OXA1L: variants seen among roughly 807,000 people sequenced by gnomAD.
OXA1L encodes OXA1L mitochondrial inner membrane insertase, also known as mitochondrial inner membrane protein OXA1L.
In OXA1L, 42 loss-of-function variants were observed where a neutral mutation model predicts 52.2. The ratio of observed to expected loss-of-function variants is 0.80; its 90% confidence interval spans 0.63 to 1.04. The LOEUF is 1.04. Ranked by LOEUF, OXA1L falls within the 50% of genes least tolerant of loss-of-function variation. The probability of loss-of-function intolerance (pLI) is 0.00; values close to 1 mark genes in which losing one functional copy is unlikely to be tolerated. For missense variants in OXA1L, 572 were observed against 555.0 expected (o/e 1.03, Z -0.31); for synonymous variants, 239 against 201.9 (o/e 1.18, Z -1.56).
rs779745389 is a variant in OXA1L, at chr14:22,767,308, T to G, written c.124T>G (p.Phe42Val). 1.1e-5 allele frequency: 18 copies of G among 1,613,364 alleles called. No homozygotes were observed. The Admixed American group carries it at 3.0e-4, about 27-fold the overall frequency. Residue 42 changes from phenylalanine (F) to valine (V), a missense_variant, in exon 2 of 10, where the codon TTC becomes GTC. Transcript: ENST00000612549. ...LGKPLTTRLL[F>V]PAAPCCCRPH... ...GAAACCGCTGACCACACGGCTCCTATTCCCAGCAGCCCCGTGCTGCTGTCG... is the reference window on the plus strand; with the variant it reads ...GAAACCGCTGACCACACGGCTCCTAGTCCCAGCAGCCCCGTGCTGCTGTCG...
In OXA1L at chr14:22,767,273, A is replaced by T. The variant is rs1314812421; in HGVS notation, c.89A>T (p.Gln30Leu). ...RRVHSVAGPS[Q>L]WLGKPLTTRL... ...GTCCACAGCGTCGCAGGGCCCTCGC[A>T]ATGGCTTGGGAAACCGCTGACCACA... is the stretch of plus-strand genomic sequence containing the variant. Residue 30 changes from glutamine (Q) to leucine (L), a missense_variant, in exon 2 of 10, where the codon CAA (glutamine) becomes CTA (leucine). Transcript: ENST00000612549. 6.2e-7 allele frequency: 1 copy of T among 1,611,788 alleles called. No homozygotes were observed. Among genetic ancestry groups the T allele is most frequent in the African/African-American group, 1.3e-5 (1 of 74,800 alleles).
Position 22,770,390 on chromosome 14 carries a change from C to T in OXA1L, c.670-71C>T, listed in dbSNP as rs137971917. 1.4e-4 allele frequency: 222 copies of T among 1,576,102 alleles called. 1 individual carries two copies. The East Asian group carries it at 4.8e-3, about 34-fold the overall frequency. ...ACAGGTGGTGGTGGATTATACATGG[C>T]TTTCAGTAGTGGGGTGATGAAAATG... On this transcript the variant is annotated intron_variant, in intron 5 of 9. Transcript: ENST00000612549.
Position 22,771,037 on chromosome 14 carries a change from T to C in OXA1L, c.959T>C (p.Leu320Pro). The stretch of plus-strand genomic sequence containing the variant: ...ACCCAGGCAGTGTTTATGTACTGGC[T>C]CTCCTCCAATTTGTTTTCCCTGGTC... ...HFPTAVFMYW[L>P]SSNLFSLVQV... Residue 320 changes from leucine to proline, a missense_variant, in exon 8 of 10, where the codon CTC becomes CCC. Around this residue, in one of 5 missense-constraint regions of OXA1L, gnomAD observed 244 missense variants for 240.2 expected, o/e 1.02. Coordinates refer to ENST00000612549, the MANE Select transcript of OXA1L (RefSeq NM_005015.5). The C allele has an allele frequency of 1.2e-6, 2 of 1,614,210 alleles. No homozygotes were observed. Among genetic ancestry groups the C allele is most frequent in the Non-Finnish European group, 1.7e-6 (2 of 1,180,024 alleles).
rs61756143 is a variant in OXA1L at position 22,767,302 on chromosome 14, C to T, written c.118C>T (p.Leu40Phe). 5.3e-5 allele frequency: 86 copies of T among 1,613,590 alleles called. No homozygotes were observed. In the South Asian group the frequency reaches 7.5e-4, roughly 14 times the overall value. ...QWLGKPLTTR[L>F]LFPAAPCCCR... ...GCTTGGGAAACCGCTGACCACACGG[C>T]TCCTATTCCCAGCAGCCCCGTGCTG... The change falls in exon 2 of 10, where the codon CTC (leucine) becomes TTC (phenylalanine). Residue 40 changes from leucine (L) to phenylalanine (F), a missense_variant. Transcript: ENST00000612549.
chr14:22,771,784 A>C lies in OXA1L; in HGVS notation c.*226A>C. ...CAGAGTTAGTAAACCTCTGTACTAC[A>C]TGCTGCTTCCTGATACTTATTGAAC... On this transcript the variant is annotated 3_prime_UTR_variant, in exon 10 of 10. Transcript: ENST00000612549. The C allele has an allele frequency of 1.9e-6, 1 of 533,472 alleles. No homozygotes were observed. Among genetic ancestry groups the C allele is most frequent in the Non-Finnish European group, 3.3e-6 (1 of 298,528 alleles). 33.0% of individuals were successfully genotyped at this position (533,472 alleles called of 1,614,324 possible).
At position 22,769,665 on chromosome 14, in the gene OXA1L, C is replaced by G. The variant is rs903977646; in HGVS notation, c.440-126C>G. On this transcript the variant is annotated intron_variant, in intron 3 of 9. Coordinates refer to ENST00000612549, the MANE Select transcript of OXA1L (RefSeq NM_005015.5). ...TTCCCCTGACCTTATTTCTGGGCCT[C>G]TTAGGCATGAGTCATAGAATGGACA... The G allele has an allele frequency of 1.0e-5, 10 of 982,358 alleles. No homozygotes were observed. The Admixed American group carries it at 2.2e-4, about 22-fold the overall frequency. The allele number at this position is 982,358 out of a possible 1,614,324, so 60.9% of individuals were successfully genotyped here.
intron 4 of OXA1L, 39 bp downstream of exon 4, chr14:22,769,973 T>C (rs2038444140): frequency 2.5e-6 from 4 of 1,609,654 alleles, no homozygotes; most frequent in African/African-American, 2.7e-5. Flanking sequence ...GAAGTCCACA[T>C]TTGCACTTTT....
intron 3 of OXA1L, among the ~76,000 whole-genome samples, chr14:22,769,360 C>A (rs2038437768): frequency 6.6e-6 from 1 of 152,170 alleles, no homozygotes; most frequent in Non-Finnish European, 1.5e-5. Context: ...CAGTTCCATC[C>A]ACGTTGTCAC....
chr14:22,771,772 C>T lies in OXA1L; in HGVS notation c.*214C>T, dbSNP rs2038468441. ...TCTTCCCATTCACAGAGTTAGTAAA[C>T]CTCTGTACTACATGCTGCTTCCTGA... On this transcript the variant is annotated 3_prime_UTR_variant, in exon 10 of 10. Coordinates refer to ENST00000612549, the MANE Select transcript of OXA1L (RefSeq NM_005015.5). 1 of 576,932 alleles carries T rather than the reference C, an allele frequency of 1.7e-6. No individual in the cohort carries two copies. The highest frequency in any genetic ancestry group is 3.1e-6 in the Non-Finnish European group (1 of 323,576). The allele number at this position is 576,932 out of a possible 1,614,324, so 35.7% of individuals were successfully genotyped here. A position where few individuals can be genotyped will look rare whatever the true frequency, so the allele number is the denominator to read the frequency against.
At position 22,769,773 on chromosome 14, in the gene OXA1L, C is replaced by T. The variant is rs1420329137; in HGVS notation, c.440-18C>T. 1 of 1,613,858 alleles carries T rather than the reference C, an allele frequency of 6.2e-7. No homozygotes were observed. The highest frequency in any genetic ancestry group is 8.5e-7 in the Non-Finnish European group (1 of 1,179,878). Reference sequence around the variant, plus strand: ...GAACTGCTTTAATTTCACTCCAATCCTAGTTTGTATTTTCCAGGTACAGTC... The same window carrying T: ...GAACTGCTTTAATTTCACTCCAATCTTAGTTTGTATTTTCCAGGTACAGTC... On this transcript the variant is annotated intron_variant, in intron 3 of 9. Coordinates refer to ENST00000612549, the MANE Select transcript of OXA1L (RefSeq NM_005015.5).
In OXA1L at chr14:22,767,423, C is replaced by T. The variant is rs764366551; in HGVS notation, c.225+14C>T. ...GCAGAAGTCCAGGTAAGAGGCCTTT[C>T]GTTCCTGCAATATTAGGAGTGGTGT... On this transcript the variant is annotated intron_variant, in intron 2 of 9. Transcript: ENST00000612549. The T allele has an allele frequency of 2.0e-5, 31 of 1,584,116 alleles. No homozygotes were observed. In the South Asian group the frequency reaches 3.1e-4, roughly 16 times the overall value.
chr14:22,767,264 G>T lies in OXA1L; in HGVS notation c.80G>T (p.Gly27Val). Residue 27 changes from glycine to valine, a missense_variant, in exon 2 of 10, where the codon GGG becomes GTG. Transcript: ENST00000612549. ...CACGCTCAGGTCCACAGCGTCGCAG[G>T]GCCCTCGCAATGGCTTGGGAAACCG... ...QSGRRVHSVA[G>V]PSQWLGKPLT... 6.2e-7 allele frequency: 1 copy of T among 1,610,940 alleles called. No individual in the cohort carries two copies. Among genetic ancestry groups the T allele is most frequent in the African/African-American group, 1.3e-5 (1 of 74,946 alleles).
At chr14:22,767,072 G>T (rs981172666) in intron 1 of OXA1L, 176 bp from the exon 2 acceptor site, 1 of 1,536,384 alleles carries the variant, frequency 6.5e-7, no homozygotes, top group African/African-American at 1.4e-5. Context: ...CGCTCTGCAG[G>T]CACCACCCGC....
At position 22,768,009 on chromosome 14, in the gene OXA1L, G is replaced by C. The variant is rs1354270140; in HGVS notation, c.277G>C (p.Glu93Gln). The C allele has an allele frequency of 1.2e-6, 2 of 1,614,106 alleles. No homozygotes were observed. The highest frequency in any genetic ancestry group is 3.3e-5 in the Admixed American group (2 of 60,004). Residue 93 changes from glutamate to glutamine, a missense_variant, in exon 3 of 10, where the codon GAG (glutamate) becomes CAG (glutamine). By Grantham distance (29) the Glu-to-Gln change is conservative. This residue lies in a region of OXA1L where 186 missense variants were observed against 151.8 expected (regional missense o/e 1.23). Transcript: ENST00000612549. The stretch of plus-strand genomic sequence containing the variant: ...AACTCCCTCACCCACAGCAGTACCT[G>C]AGGTGGCTTCTGGAGAGACTGCAGA... ...AATPSPTAVP[E>Q]VASGETADVV...
Position 22,769,794 on chromosome 14 carries a change from CA to C in OXA1L, c.444del (p.Val149SerfsTer6). 6.2e-7 allele frequency: 1 copy of C among 1,614,164 alleles called. No individual in the cohort carries two copies. The highest frequency in any genetic ancestry group is 2.2e-5 in the East Asian group (1 of 44,888). On this transcript the variant is annotated frameshift_variant, in exon 4 of 10. Transcript: ENST00000612549. LOFTEE classifies it high-confidence loss of function. ...AATCCTAGTTTGTATTTTCCAGGTA[CA>C]GTCTTTGCCCGCTGCCTGATTTTTC... ...LPWWGAIAAC[T>X]VFARCLIFPL...
intron 2 of OXA1L, chr14:22,767,666 G>A: frequency 2.0e-6 from 1 of 501,104 alleles, no homozygotes; most frequent in Non-Finnish European, 3.5e-6. Flanking sequence ...GTTAATATAT[G>A]GCAAAAATCA....
At position 22,768,166 on chromosome 14, in the gene OXA1L, C is replaced by G. The variant is rs2038426939; in HGVS notation, c.434C>G (p.Ala145Gly). The change falls in exon 3 of 10, where the codon GCT becomes GGT. Residue 145 changes from alanine (A) to glycine (G), a missense_variant. By Grantham distance (60) the Ala-to-Gly change is moderately conservative. This residue lies in a region of OXA1L where 132 missense variants were observed against 124.0 expected (regional missense o/e 1.06). Transcript: ENST00000612549. ...GGCCTACCTTGGTGGGGGGCCATTG[C>G]TGCATGTAAGGGGAATATACCCTGG... is the stretch of plus-strand genomic sequence containing the variant. ...DLGLPWWGAI[A>G]ACTVFARCLI... 14 of 1,612,698 alleles carry G rather than the reference C, an allele frequency of 8.7e-6. No individual in the cohort carries two copies. Among genetic ancestry groups the G allele is most frequent in the African/African-American group, 1.3e-5 (1 of 75,022 alleles).
Position 22,769,867 on chromosome 14 carries a change from C to T in OXA1L, c.516C>T (p.His172=). Residue 172 remains histidine (H), a synonymous_variant, in exon 4 of 10, where the codon CAC becomes CAT. Coordinates refer to ENST00000612549, the MANE Select transcript of OXA1L (RefSeq NM_005015.5). ...GQREAARIHN[H]LPEIQKFSSR... is the part of the protein sequence containing the mutation. ...GAGAGGCAGCCAGGATCCACAATCA[C>T]TTGCCAGAGATCCAGAAGTTTTCCA... 3 of 1,614,194 alleles carry T rather than the reference C, an allele frequency of 1.9e-6. No homozygotes were observed. Among genetic ancestry groups the T allele is most frequent in the Non-Finnish European group, 2.5e-6 (3 of 1,180,034 alleles).
chr14:22,770,914 G>A lies in OXA1L; in HGVS notation c.939+5G>A, dbSNP rs770683291. 3.1e-6 allele frequency: 5 copies of A among 1,613,614 alleles called. No homozygotes were observed. The East Asian group carries it at 8.9e-5, about 29-fold the overall frequency. On this transcript the variant is annotated splice_donor_5th_base_variant and intron_variant, in intron 7 of 9. Coordinates refer to ENST00000612549, the MANE Select transcript of OXA1L (RefSeq NM_005015.5). ...ATAACCATGCATTTCCCCACGGTAT[G>A]TAATGCCTTATGGGCTGGCTCCAAG...
Sources: allele counts gnomAD v4.1 joint callset (sites outside exome capture counted in the v4.1 genomes callset), GRCh38; gene constraint gnomAD v4.1.1; regional missense constraint gnomAD v4.1.1; transcripts MANE v1.5; gene names NCBI Gene and HGNC (gene_info 2026-07-23, HGNC 2026-07-21).